The following NEK6 variants were observed in gnomAD, a reference collection of about 807,000 sequenced individuals.
NEK6 encodes NIMA related kinase 6, also known as serine/threonine-protein kinase Nek6.
NEK6 carries 27 observed loss-of-function variants against 43.5 expected under a neutral mutation model. That is an observed-to-expected ratio of 0.62 (90% confidence interval 0.46 to 0.86). NEK6 has a LOEUF of 0.86. Among genes scored for constraint, NEK6 ranks in the 40% least tolerant of loss-of-function variants. The pLI is 0.00. For synonymous variants in NEK6, 167 were observed against 164.1 expected (o/e 1.02, Z -0.14); for missense variants, 318 against 414.4 (o/e 0.77, Z 2.02).
At chr9:124,345,132 C>G (rs1314390470) in intron 8 of NEK6, among the ~76,000 whole-genome samples, 1 of 152,222 alleles carries the variant, frequency 6.6e-6, no homozygotes, top group African/African-American at 2.4e-5. Flanking sequence ...CCTGATGACA[C>G]CAGAGAGAAG....
Position 124,343,498 on chromosome 9 carries a change from G to A in NEK6, c.717+3833G>A, listed in dbSNP as rs1829760335. Reference sequence around the variant, plus strand: ...GCCACCCATAGCCGGCCCATCCAAGGGTAACGGGGCAGGGGCTCTGTGCCA... The same window carrying A: ...GCCACCCATAGCCGGCCCATCCAAGAGTAACGGGGCAGGGGCTCTGTGCCA... On this transcript the variant is annotated intron_variant, in intron 8 of 9. Transcript: ENST00000320246. This position sits in a 1 kb window ranked among gnomAD's most constrained non-coding sequence, Gnocchi z 5.1. Among the ~76,000 whole-genome samples the A allele has an allele frequency of 6.6e-6, 1 of 152,124 alleles. No individual in the cohort carries two copies. The highest frequency in any genetic ancestry group is 1.5e-5 in the Non-Finnish European group (1 of 67,996).
chr9:124,274,287 A>T (rs1372936362), intron 1 of NEK6, among the ~76,000 whole-genome samples: 1 of 152,260 alleles, frequency 6.6e-6, no homozygotes, highest in African/African-American at 2.4e-5. Flanking sequence ...GCAGATGTGA[A>T]CGGGGCTTGA....
rs937522127 is a variant in NEK6, at chr9:124,327,283, C to T, written c.515-55C>T. The T allele has an allele frequency of 2.8e-6, 4 of 1,449,244 alleles. No individual in the cohort carries two copies. In the African/African-American group the frequency reaches 4.2e-5, roughly 15 times the overall value. 89.8% of individuals were successfully genotyped at this position (1,449,244 alleles called of 1,614,324 possible). ...TTCCTCCCCCTTCCTCTCGTCCTGC[C>T]CCACCTACCCCAAGCCTCCTACCCC... On this transcript the variant is annotated intron_variant, in intron 6 of 9. Transcript: ENST00000320246.
chr9:124,340,100 C>T (rs1829515263), intron 8 of NEK6, among the ~76,000 whole-genome samples: 1 of 95,496 alleles, frequency 1.0e-5, no homozygotes, highest in Non-Finnish European at 2.3e-5. Flanking sequence ...GACAGGTGGC[C>T]ACCCCCTCCA....
chr9:124,334,854 C>T lies in NEK6; in HGVS notation c.623-4717C>T, dbSNP rs185490087. On this transcript the variant is annotated intron_variant, in intron 7 of 9. Coordinates refer to ENST00000320246, the MANE Select transcript of NEK6 (RefSeq NM_014397.6). ...CTGGCCAAGGCAGCGCCAGGCCACA[C>T]CCCGGCCCCAGTGTAGGTGACCTCT... Among the ~76,000 whole-genome samples the T allele has an allele frequency of 2.0e-3, 311 of 152,340 alleles. 1 individual carries two copies. The highest frequency in any genetic ancestry group is 7.1e-3 in the African/African-American group (296 of 41,588).
intron 1 of NEK6, among the ~76,000 whole-genome samples, chr9:124,288,130 G>T (rs535204764): frequency 8.4e-4 from 128 of 152,372 alleles, no homozygotes; most frequent in Middle Eastern, 6.8e-3. Context: ...AGGTCCACAG[G>T]CCCAAAGGCC....
chr9:124,342,834 A>G (rs1220871615), intron 8 of NEK6, among the ~76,000 whole-genome samples: 2 of 152,188 alleles, frequency 1.3e-5, no homozygotes, highest in Non-Finnish European at 2.9e-5. Flanking sequence ...ACACACACAC[A>G]GCATATGAAC....
intron 1 of NEK6, among the ~76,000 whole-genome samples, chr9:124,260,720 A>T (rs1415896826): frequency 6.6e-6 from 1 of 152,174 alleles, no homozygotes; most frequent in Non-Finnish European, 1.5e-5. Context: ...TTTACTGAGG[A>T]TATACTGTGT....
intron 1 of NEK6, among the ~76,000 whole-genome samples, chr9:124,293,748 C>T (rs886565671): frequency 1.3e-5 from 2 of 152,166 alleles, no homozygotes; most frequent in African/African-American, 4.8e-5. Flanking sequence ...CCTGGGTGGC[C>T]CTCTTTTCAC....
At chr9:124,333,074 C>A (rs1230743111) in intron 7 of NEK6, among the ~76,000 whole-genome samples, 3 of 152,202 alleles carry the variant, frequency 2.0e-5, no homozygotes, top group African/African-American at 7.2e-5. Flanking sequence ...TGTGGAGACC[C>A]CTCCTCCTGC....
chr9:124,328,760 A>G lies in NEK6; in HGVS notation c.622+1315A>G, dbSNP rs546978104. Among the ~76,000 whole-genome samples the G allele has an allele frequency of 3.3e-5, 5 of 152,348 alleles. No individual in the cohort carries two copies. In the East Asian group the frequency reaches 9.6e-4, roughly 29 times the overall value. On this transcript the variant is annotated intron_variant, in intron 7 of 9. Coordinates refer to ENST00000320246, the MANE Select transcript of NEK6 (RefSeq NM_014397.6). ...CGTCACACACACTTAGGAGAAATGT[A>G]CGAGCCTAGAGACCAGCGACTCCCA...
intron 2 of NEK6, among the ~76,000 whole-genome samples, chr9:124,312,227 G>GCAAA (rs902014370): frequency 4.6e-5 from 7 of 152,250 alleles, no homozygotes; most frequent in Non-Finnish European, 7.3e-5. Flanking sequence ...CTCAGAGACA[G>GCAAA]CAAACAAACA....
At chr9:124,338,826 A>G (rs1414558101) in intron 7 of NEK6, among the ~76,000 whole-genome samples, 1 of 152,194 alleles carries the variant, frequency 6.6e-6, no homozygotes, top group Non-Finnish European at 1.5e-5. Context: ...GAGCTGACAC[A>G]TGGAAGATCT....
At chr9:124,334,487 C>T (rs769704359) in intron 7 of NEK6, among the ~76,000 whole-genome samples, 5 of 152,134 alleles carry the variant, frequency 3.3e-5, no homozygotes, top group South Asian at 2.1e-4. Context: ...GAGGAGGGGA[C>T]GGAGGGCTGG....
chr9:124,286,619 C>T (rs1293549309), intron 1 of NEK6: 1 of 152,340 alleles, frequency 6.6e-6, no homozygotes, highest in Non-Finnish European at 1.5e-5. Context: ...GCCTGGCCTG[C>T]ACTTTTCTCG....
chr9:124,287,981 G>A (rs1832237231), intron 1 of NEK6, among the ~76,000 whole-genome samples: 1 of 152,210 alleles, frequency 6.6e-6, no homozygotes, highest in South Asian at 2.1e-4. Context: ...GAGGGGGCCA[G>A]CTCAGTTTCA....
intron 1 of NEK6, among the ~76,000 whole-genome samples, chr9:124,290,441 G>T (rs1335818067): frequency 1.3e-5 from 2 of 152,246 alleles, no homozygotes; most frequent in Admixed American, 1.3e-4. Context: ...TGGTGGGAAG[G>T]TGTGTGTCAG....
At chr9:124,300,921 G>A (rs1036402870) in intron 1 of NEK6, among the ~76,000 whole-genome samples, 20 of 152,340 alleles carry the variant, frequency 1.3e-4, no homozygotes, top group Middle Eastern at 6.8e-3. Context: ...TGCCCCTCGG[G>A]ACATCCAGGG....
chr9:124,290,615 C>T (rs941332948), intron 1 of NEK6, among the ~76,000 whole-genome samples: 13 of 152,354 alleles, frequency 8.5e-5, no homozygotes, highest in Middle Eastern at 3.4e-3. Flanking sequence ...GTGCTGGCCA[C>T]GGAGAGCCCC....
Sources: gnomAD v4.1 joint callset for allele counts (sites outside exome capture counted in the v4.1 genomes callset) on GRCh38, gnomAD v4.1.1 for gene constraint, Gnocchi (gnomAD v3.1) non-coding constraint, MANE v1.5 for transcripts, NCBI Gene and HGNC (gene_info 2026-07-23, HGNC 2026-07-21) for gene names.